Variants in ADAMTS6 observed in about 807,000 individuals in gnomAD.
ADAMTS6 encodes the protein A disintegrin and metalloproteinase with thrombospondin motifs 6.
A neutral mutation model predicts 144.3 loss-of-function variants in ADAMTS6; 23 were observed. The observed-to-expected ratio is 0.16, with a 90% CI of 0.11 to 0.23. The LOEUF is 0.23. ADAMTS6 is among the 10% of genes least tolerant of loss of function. The pLI, the probability that ADAMTS6 is intolerant of heterozygous loss-of-function variation, is 1.00. For synonymous variants in ADAMTS6, 444 were observed against 457.5 expected (o/e 0.97, Z 0.38); for missense variants, 999 against 1,379.6 (o/e 0.72, Z 4.37).
rs186537406 is a variant in ADAMTS6, at chr5:65,385,405, T to C, written c.1074-51320A>G. On this transcript the variant is annotated intron_variant, in intron 7 of 24. Coordinates refer to ENST00000381055, the MANE Select transcript of ADAMTS6 (RefSeq NM_197941.4). ...AAACTAAACTCAGAGAGACCCAAGTTTGGACTTCAGCTTTGCGATTTTTTA... is the reference window on the plus strand; with the variant it reads ...AAACTAAACTCAGAGAGACCCAAGTCTGGACTTCAGCTTTGCGATTTTTTA... Among the ~76,000 whole-genome samples the C allele has an allele frequency of 7.9e-5, 12 of 152,274 alleles. No individual in the cohort carries two copies. In the East Asian group the frequency reaches 2.3e-3, roughly 29 times the overall value.
chr5:65,385,483 T>C (rs1752406427), intron 7 of ADAMTS6, among the ~76,000 whole-genome samples: 1 of 152,202 alleles, frequency 6.6e-6, no homozygotes, highest in South Asian at 2.1e-4. Context: ...TTTTCTCCAC[T>C]GTGAAGTGAG....
At chr5:65,204,994 T>G (rs1295210162) in intron 20 of ADAMTS6, among the ~76,000 whole-genome samples, 1 of 152,232 alleles carries the variant, frequency 6.6e-6, no homozygotes, top group Non-Finnish European at 1.5e-5. Context: ...AATCTTTTAT[T>G]TAACTCTGAA....
intron 10 of ADAMTS6, among the ~76,000 whole-genome samples, chr5:65,294,266 C>A (rs965143344): frequency 6.6e-6 from 1 of 152,178 alleles, no homozygotes; most frequent in Non-Finnish European, 1.5e-5. Flanking sequence ...GTCACCCAGG[C>A]TGGAGTGAAG....
intron 7 of ADAMTS6, among the ~76,000 whole-genome samples, chr5:65,435,580 A>T (rs1388467099): frequency 2.0e-5 from 3 of 151,632 alleles, no homozygotes; most frequent in African/African-American, 7.3e-5. Flanking sequence ...TCATAAAAGA[A>T]CTCTGCACCT....
At chr5:65,326,422 G>C (rs983950323) in intron 9 of ADAMTS6, among the ~76,000 whole-genome samples, 2 of 152,140 alleles carry the variant, frequency 1.3e-5, no homozygotes, top group Non-Finnish European at 2.9e-5. Flanking sequence ...ACAAAAGGAT[G>C]GAGAGGATGG....
chr5:65,230,111 A>C (rs1758032507), intron 15 of ADAMTS6, among the ~76,000 whole-genome samples: 2 of 151,814 alleles, frequency 1.3e-5, no homozygotes, highest in African/African-American at 2.4e-5. Context: ...TAATTTGTGA[A>C]TGGACTACGA....
intron 21 of ADAMTS6, among the ~76,000 whole-genome samples, chr5:65,189,236 GT>G (rs200254814): frequency 6.6e-6 from 1 of 151,734 alleles, no homozygotes; most frequent in Non-Finnish European, 1.5e-5. Flanking sequence ...GGTTTGTTTT[GT>G]TTTTTTTGCA....
intron 7 of ADAMTS6, among the ~76,000 whole-genome samples, chr5:65,389,236 G>A (rs1316995021): frequency 1.3e-5 from 2 of 151,894 alleles, no homozygotes; most frequent in Non-Finnish European, 2.9e-5. Context: ...AGAAATAAAG[G>A]TTTCCAACAC....
intron 24 of ADAMTS6, among the ~76,000 whole-genome samples, chr5:65,163,164 C>T (rs1752893580): frequency 6.6e-6 from 1 of 152,130 alleles, no homozygotes; most frequent in South Asian, 2.1e-4. Flanking sequence ...CCCAACTCAA[C>T]CCTCTGAAAG....
intron 9 of ADAMTS6, among the ~76,000 whole-genome samples, chr5:65,316,478 C>T (rs1009146341): frequency 6.6e-6 from 1 of 151,874 alleles, no homozygotes; most frequent in African/African-American, 2.4e-5. Flanking sequence ...CAACTAAAAC[C>T]TAGTTATATC....
intron 7 of ADAMTS6, among the ~76,000 whole-genome samples, chr5:65,354,853 A>G (rs1749178154): frequency 1.3e-5 from 2 of 151,826 alleles, no homozygotes; most frequent in African/African-American, 2.4e-5. Context: ...CGAATCTTCA[A>G]CAAGGTTTTC....
chr5:65,352,498 A>T (rs764606978), intron 7 of ADAMTS6, among the ~76,000 whole-genome samples: 4 of 152,104 alleles, frequency 2.6e-5, no homozygotes, highest in Non-Finnish European at 5.9e-5. Context: ...CCCCATAATT[A>T]TATACTATAA....
At chr5:65,285,152 T>TA (rs905711825) in intron 11 of ADAMTS6, among the ~76,000 whole-genome samples, 10 of 152,158 alleles carry the variant, frequency 6.6e-5, no homozygotes, top group Admixed American at 5.9e-4. Context: ...TCCTAAGACA[T>TA]AATATGCCTT....
chr5:65,438,486 C>T (rs1757621615), intron 7 of ADAMTS6, among the ~76,000 whole-genome samples: 1 of 152,196 alleles, frequency 6.6e-6, no homozygotes, highest in South Asian at 2.1e-4. Context: ...AAGATCACGC[C>T]ACTGCACTCC....
Position 65,375,253 on chromosome 5 carries a change from G to T in ADAMTS6, c.1074-41168C>A, listed in dbSNP as rs910341759. ...AGGAATGGTAACAAAAGCCAAAATTGACAAATGGGATCTAATTAAACTAAA... is the reference window on the plus strand; with the variant it reads ...AGGAATGGTAACAAAAGCCAAAATTTACAAATGGGATCTAATTAAACTAAA... On this transcript the variant is annotated intron_variant, in intron 7 of 24. Transcript: ENST00000381055. Among the ~76,000 whole-genome samples the T allele has an allele frequency of 1.9e-4, 29 of 152,114 alleles. 1 individual carries two copies. The highest frequency in any genetic ancestry group is 1.0e-4 in the Non-Finnish European group (7 of 68,034).
At chr5:65,362,774 AGAGTT>A (rs981856159) in intron 7 of ADAMTS6, among the ~76,000 whole-genome samples, 1 of 152,224 alleles carries the variant, frequency 6.6e-6, no homozygotes, top group African/African-American at 2.4e-5. Context: ...AGAGACAAAT[AGAGTT>A]TAGTCTACAA....
chr5:65,457,745 C>CTTT (rs1180960588), intron 4 of ADAMTS6, among the ~76,000 whole-genome samples: 55 of 97,410 alleles, frequency 5.6e-4, no homozygotes, highest in Non-Finnish European at 7.2e-4. Context: ...TTCTTTCTTT[C>CTTT]TTTTTTTTTT....
intron 22 of ADAMTS6, among the ~76,000 whole-genome samples, chr5:65,186,043 T>C (rs899437031): frequency 6.6e-6 from 1 of 152,200 alleles, no homozygotes; most frequent in African/African-American, 2.4e-5. Flanking sequence ...CTAACCTTCC[T>C]AGTACCTATC....
intron 7 of ADAMTS6, among the ~76,000 whole-genome samples, chr5:65,391,440 ACAC>A (rs1165850858): frequency 4.0e-5 from 6 of 151,890 alleles, no homozygotes; most frequent in African/African-American, 1.5e-4. Context: ...ACACACACAC[ACAC>A]ACACACACTT....
Sources: allele counts gnomAD v4.1 joint callset (sites outside exome capture counted in the v4.1 genomes callset), GRCh38; gene constraint gnomAD v4.1.1; transcripts MANE v1.5; gene names NCBI Gene and HGNC (gene_info 2026-07-23, HGNC 2026-07-21).